The following DDX43 variants were observed in gnomAD, a reference collection of about 807,000 sequenced individuals.
DDX43 encodes the protein DEAD-box helicase 43.
Under a neutral mutation model 84.9 loss-of-function variants are expected in DDX43, and 50 were observed. The ratio of observed to expected loss-of-function variants is 0.59; its 90% CI spans 0.47 to 0.75. The LOEUF (loss-of-function observed/expected upper bound fraction) is 0.75. Among genes scored for constraint, DDX43 ranks in the 30% least tolerant of loss-of-function variants. The pLI, the probability that DDX43 is intolerant of heterozygous loss-of-function variation, is 0.00. For synonymous variants in DDX43, 291 were observed against 266.3 expected, an observed-to-expected ratio of 1.09 and a Z score of -0.90; for missense variants, 689 against 798.6, an observed-to-expected ratio of 0.86 and a Z score of 1.65.
chr6:73,412,668 T>TCTGTGTGTGTGTGC (rs1769816618), intron 11 of DDX43, among the ~76,000 whole-genome samples: 1 of 108,396 alleles, frequency 9.2e-6, no homozygotes, highest in South Asian at 3.2e-4. Flanking sequence ...TGTGTGTGTG[T>TCTGTGTGTGTGTGC]GCGCGCGCGC....
chr6:73,410,303 A>T (rs182508302), intron 10 of DDX43, among the ~76,000 whole-genome samples: 7 of 152,102 alleles, frequency 4.6e-5, no homozygotes, highest in Admixed American at 4.6e-4. Context: ...AGTAGCTGGG[A>T]CTACAGGCAC....
chr6:73,400,185 G>GT, intron 2 of DDX43, 49 bp from the exon 3 acceptor site: 1 of 1,529,830 alleles, frequency 6.5e-7, no homozygotes, highest in Non-Finnish European at 8.8e-7. Flanking sequence ...AACTTTTTAT[G>GT]TTTTTTAGGG....
chr6:73,408,102 G>C lies in DDX43; in HGVS notation c.1179+1G>C. ...CAATCTGAAGAATATAACCTACTTG[G>C]TAATCATGGAAATAGGGGTTTGAGA... On this transcript the variant is annotated splice_donor_variant, in intron 9 of 16. Coordinates refer to ENST00000370336, the MANE Select transcript of DDX43 (RefSeq NM_018665.3). LOFTEE classifies it high-confidence loss of function. The C allele has an allele frequency of 6.2e-7, 1 of 1,613,384 alleles. No homozygotes were observed. Among genetic ancestry groups the C allele is most frequent in the Non-Finnish European group, 8.5e-7 (1 of 1,179,788 alleles).
rs1299349551 is a variant in DDX43, at chr6:73,417,228, G to T, written c.*67G>T. On this transcript the variant is annotated 3_prime_UTR_variant, in exon 17 of 17. Coordinates refer to ENST00000370336, the MANE Select transcript of DDX43 (RefSeq NM_018665.3). ...GAAATATAGTAAGACGGAAGTATTGGACATGTTGGCAGTATGAAGAGACCG... is the reference window on the plus strand; with the variant it reads ...GAAATATAGTAAGACGGAAGTATTGTACATGTTGGCAGTATGAAGAGACCG... 1 of 152,094 alleles carries T rather than the reference G, an allele frequency of 6.6e-6. No homozygotes were observed. Among genetic ancestry groups the T allele is most frequent in the Admixed American group, 6.6e-5 (1 of 15,258 alleles). 9.4% of individuals were successfully genotyped at this position (152,094 alleles called of 1,614,324 possible). A position where few individuals can be genotyped will look rare whatever the true frequency, so the allele number is the denominator to read the frequency against.
Position 73,415,520 on chromosome 6 carries a change from C to T in DDX43, c.1769C>T (p.Thr590Ile), listed in dbSNP as rs1034236884. Residue 590 changes from threonine to isoleucine, a missense_variant, in exon 15 of 17, where the codon ACT (threonine) becomes ATT (isoleucine). Physicochemically the swap from Thr to Ile is moderately conservative, Grantham distance 89. Transcript: ENST00000370336. ...RAGRTGVSIT[T>I]LTRNDWRVAS... ...AGGAGGACTGGTGTTTCCATTACAACTTTGACTAGAAATGATTGGAGGGTT... is the reference window on the plus strand; with the variant it reads ...AGGAGGACTGGTGTTTCCATTACAATTTTGACTAGAAATGATTGGAGGGTT... The T allele has an allele frequency of 6.2e-7, 1 of 1,613,222 alleles. No individual in the cohort carries two copies. Among genetic ancestry groups the T allele is most frequent in the Non-Finnish European group, 8.5e-7 (1 of 1,179,422 alleles).
chr6:73,410,909 A>C (rs564565647), intron 10 of DDX43, among the ~76,000 whole-genome samples: 1 of 151,316 alleles, frequency 6.6e-6, no homozygotes, highest in African/African-American at 2.4e-5. Flanking sequence ...TTTTATGGCC[A>C]GGCGCCGTGG....
In DDX43 at chr6:73,400,215, T is replaced by G. The variant is rs777525978; in HGVS notation, c.307-19T>G. The G allele has an allele frequency of 1.9e-6, 3 of 1,559,986 alleles. No individual in the cohort carries two copies. In the Admixed American group the frequency reaches 6.3e-5, roughly 33 times the overall value. On this transcript the variant is annotated intron_variant, in intron 2 of 16. Transcript: ENST00000370336. ...TTAGGGAAATTTTAAGTCTCACCTC[T>G]TTTTCCCCTTGTACCTAGATAATAC...
chr6:73,407,957 A>T lies in DDX43; in HGVS notation c.1038-3A>T. 3 of 1,606,492 alleles carry T rather than the reference A, an allele frequency of 1.9e-6. No homozygotes were observed. Among genetic ancestry groups the T allele is most frequent in the Admixed American group, 1.7e-5 (1 of 57,646 alleles). ...ATTAACCTTTAGATTTTTTCTTTTT[A>T]AGTGTTTGTGTATATGGTGGTGGAA... On this transcript the variant is annotated splice_region_variant and splice_polypyrimidine_tract_variant and intron_variant, in intron 8 of 16. Coordinates refer to ENST00000370336, the MANE Select transcript of DDX43 (RefSeq NM_018665.3).
chr6:73,413,810 A>G (rs780685131), intron 12 of DDX43, 25 bp downstream of exon 12: 3 of 1,598,530 alleles, frequency 1.9e-6, no homozygotes, highest in African/African-American at 1.4e-5. Flanking sequence ...TTGTGTGTCC[A>G]TTATAATTAA....
intron 1 of DDX43, 84 bp downstream of exon 1, chr6:73,395,239 A>G: frequency 1.4e-6 from 2 of 1,458,146 alleles, no homozygotes; most frequent in Non-Finnish European, 1.8e-6. Context: ...CCACTGCCTC[A>G]CCTCCAATCA....
intron 6 of DDX43, 150 bp from the exon 7 acceptor site, chr6:73,406,214 G>GGGT: frequency 2.0e-6 from 1 of 508,810 alleles, no homozygotes; most frequent in South Asian, 2.3e-5. Context: ...AGTAGAGACG[G>GGGT]TTTCTCTATG....
Position 73,415,513 on chromosome 6 carries a change from A to G in DDX43, c.1762A>G (p.Ile588Val). Residue 588 changes from isoleucine to valine, a missense_variant, in exon 15 of 17, where the codon ATT becomes GTT. Transcript: ENST00000370336. ...TGRAGRTGVS[I>V]TTLTRNDWRV... ...ACACTAAAGGAGGACTGGTGTTTCC[A>G]TTACAACTTTGACTAGAAATGATTG... The G allele has an allele frequency of 6.2e-7, 1 of 1,613,210 alleles. No homozygotes were observed. The highest frequency in any genetic ancestry group is 8.5e-7 in the Non-Finnish European group (1 of 1,179,346).
At chr6:73,402,080 A>G in intron 4 of DDX43, 90 bp downstream of exon 4, 1 of 1,497,582 alleles carries the variant, frequency 6.7e-7, no homozygotes, top group African/African-American at 1.4e-5. Context: ...ATTTTTAGTA[A>G]TGAAATGTAT....
chr6:73,412,656 T>TGTGCGC (rs1200388700), intron 11 of DDX43, among the ~76,000 whole-genome samples: 2 of 87,966 alleles, frequency 2.3e-5, no homozygotes, highest in African/African-American at 8.0e-5. Context: ...TGTGTGTGTG[T>TGTGCGC]GTGTGTGTGT....
Position 73,401,839 on chromosome 6 carries a change from G to A in DDX43, c.437-20G>A, listed in dbSNP as rs771620408. On this transcript the variant is annotated intron_variant, in intron 3 of 16. Transcript: ENST00000370336. Reference sequence around the variant, plus strand: ...AAAAAAAAATAGAAAAAAACTAATCGATACAAATGTTTTTAACAGATACTG... The same window carrying A: ...AAAAAAAAATAGAAAAAAACTAATCAATACAAATGTTTTTAACAGATACTG... The A allele has an allele frequency of 8.8e-5, 135 of 1,532,828 alleles. 2 individuals carry two copies. The highest frequency in any genetic ancestry group is 3.2e-4 in the South Asian group (26 of 80,214). 95.0% of individuals were successfully genotyped at this position (1,532,828 alleles called of 1,614,324 possible).
intron 5 of DDX43, 126 bp downstream of exon 5, chr6:73,404,897 A>G: frequency 2.6e-6 from 2 of 760,904 alleles, no homozygotes; most frequent in Non-Finnish European, 2.1e-6. Context: ...AAATGTGTCA[A>G]CTTACATGAT....
At chr6:73,396,382 T>C (rs1161506632) in intron 1 of DDX43, among the ~76,000 whole-genome samples, 1 of 152,204 alleles carries the variant, frequency 6.6e-6, no homozygotes, top group African/African-American at 2.4e-5. Context: ...GAAAAATGAA[T>C]AGATGGAGGC....
chr6:73,398,012 G>C (rs556586076), intron 2 of DDX43: 1 of 249,564 alleles, frequency 4.0e-6, no homozygotes, highest in Non-Finnish European at 7.6e-6. Context: ...GGGTTTTACC[G>C]TGTTGGCCAG....
chr6:73,414,534 G>T lies in DDX43; in HGVS notation c.1607-14G>T, dbSNP rs929738236. On this transcript the variant is annotated splice_polypyrimidine_tract_variant and intron_variant, in intron 13 of 16. Transcript: ENST00000370336. ...ACCAGAATGGTTCAGTGTTCATTTG[G>T]CTTTACTTTTTAGGCAAAGTGAGAA... 12 of 1,606,526 alleles carry T rather than the reference G, an allele frequency of 7.5e-6. No individual in the cohort carries two copies. The highest frequency in any genetic ancestry group is 1.0e-5 in the Non-Finnish European group (12 of 1,176,228).
Sources: gnomAD v4.1 joint callset for allele counts (sites outside exome capture counted in the v4.1 genomes callset) on GRCh38, gnomAD v4.1.1 for gene constraint, MANE v1.5 for transcripts, NCBI Gene and HGNC (gene_info 2026-07-23, HGNC 2026-07-21) for gene names.